Variants in HSPA12A observed in about 807,000 individuals in gnomAD.
The protein encoded by HSPA12A is heat shock protein family A (Hsp70) member 12A.
In HSPA12A, 28 loss-of-function variants were observed where a neutral mutation model predicts 69.2. The ratio of observed to expected loss-of-function variants is 0.40; its 90% CI spans 0.30 to 0.55. The LOEUF (loss-of-function observed/expected upper bound fraction) is 0.55. Among genes scored for constraint, HSPA12A ranks in the 20% least tolerant of loss-of-function variants. The pLI is 0.38. For missense variants in HSPA12A, 686 were observed against 900.7 expected (o/e 0.76, Z 3.05); for synonymous variants, 345 against 370.5 (o/e 0.93, Z 0.79).
chr10:116,750,245 G>A, intron 2 of HSPA12A: 1 of 797,922 alleles, frequency 1.3e-6, no homozygotes. Flanking sequence ...GTCTGGCATG[G>A]GCAAGATCTA....
At chr10:116,684,938 G>C (rs1419858831) in intron 6 of HSPA12A, among the ~76,000 whole-genome samples, 7 of 152,186 alleles carry the variant, frequency 4.6e-5, no homozygotes, top group Non-Finnish European at 8.8e-5. Flanking sequence ...AGCATGGCTG[G>C]GCCTCTAACC....
chr10:116,750,941 C>G (rs74399798), intron 2 of HSPA12A, among the ~76,000 whole-genome samples: 9 of 151,404 alleles, frequency 5.9e-5, no homozygotes, highest in African/African-American at 2.2e-4. Context: ...CCACTGCACT[C>G]CAACTTGAGT....
In HSPA12A at chr10:116,805,591, G is replaced by A. The variant is rs190422763; in HGVS notation, c.91+29344C>T. ...GTTTCCGTTGATGTTGGGCGGGGGG[G>A]TACTGACTTGTGTTTGTCCTTGAAA... On this transcript the variant is annotated intron_variant, in intron 2 of 12. Coordinates refer to the HSPA12A transcript ENST00000635765. 5.9e-5 allele frequency among the ~76,000 whole-genome samples: 9 copies of A among 152,110 alleles called. No individual in the cohort carries two copies. The East Asian group carries it at 1.7e-3, about 29-fold the overall frequency.
At chr10:116,683,442 G>A (rs1171804340) in intron 7 of HSPA12A, 1 of 175,166 alleles carries the variant, frequency 5.7e-6, no homozygotes, top group African/African-American at 2.4e-5. Context: ...TTAATAACAG[G>A]CAATGGAATT....
intron 1 of HSPA12A, among the ~76,000 whole-genome samples, chr10:116,732,933 T>G (rs1274623965): frequency 6.6e-6 from 1 of 152,112 alleles, no homozygotes; most frequent in Non-Finnish European, 1.5e-5. Flanking sequence ...TCTCTTCCCC[T>G]CCCTGACTTC....
At chr10:116,688,083 G>A (rs567021913) in intron 6 of HSPA12A, among the ~76,000 whole-genome samples, 8 of 152,080 alleles carry the variant, frequency 5.3e-5, no homozygotes, top group Non-Finnish European at 1.0e-4. Flanking sequence ...TGTGGCCCAC[G>A]GAAGCCAAAA....
In HSPA12A at chr10:116,710,721, C is replaced by T. The variant is rs1009997582; in HGVS notation, c.41-3436G>A. Among the ~76,000 whole-genome samples, 10 of 152,198 alleles carry T rather than the reference C, an allele frequency of 6.6e-5. No homozygotes were observed. The highest frequency in any genetic ancestry group is 2.2e-4 in the African/African-American group (9 of 41,462). On this transcript the variant is annotated intron_variant, in intron 1 of 11. Coordinates refer to ENST00000369209, the MANE Select transcript of HSPA12A (RefSeq NM_025015.3). The surrounding 1 kb of genome is among the most constrained non-coding windows in gnomAD (Gnocchi z 4.1). The stretch of plus-strand genomic sequence containing the variant: ...AGAAGGTATGGAGGGGTAACATTTT[C>T]AGAGATACCTGCACATGGTGCACAC...
intron 2 of HSPA12A, among the ~76,000 whole-genome samples, chr10:116,705,553 G>A (rs990256045): frequency 1.3e-5 from 2 of 152,224 alleles, no homozygotes; most frequent in Admixed American, 6.5e-5. Context: ...GACCGTGCCC[G>A]CACACGGCTA....
chr10:116,789,048 T>A (rs1330447895), intron 2 of HSPA12A, among the ~76,000 whole-genome samples: 1 of 151,992 alleles, frequency 6.6e-6, no homozygotes, highest in East Asian at 1.9e-4. Context: ...GTATTTTTAG[T>A]GGAGACAAGG....
chr10:116,789,523 T>A (rs1169818325), intron 2 of HSPA12A, among the ~76,000 whole-genome samples: 5 of 152,162 alleles, frequency 3.3e-5, no homozygotes, highest in African/African-American at 2.4e-5. Context: ...ATCCTGAATG[T>A]GCTATGACTT....
intron 1 of HSPA12A, among the ~76,000 whole-genome samples, chr10:116,708,840 T>C (rs566021838): frequency 6.6e-6 from 1 of 152,352 alleles, no homozygotes; most frequent in East Asian, 1.9e-4. Context: ...ACCAGTGAGA[T>C]ATGGCTTCAC....
At chr10:116,787,797 C>T (rs1015784647) in intron 2 of HSPA12A, among the ~76,000 whole-genome samples, 27 of 152,094 alleles carry the variant, frequency 1.8e-4, no homozygotes, top group African/African-American at 6.3e-4. Flanking sequence ...GCCTGGCAGC[C>T]GCTTGGCACA....
chr10:116,723,220 T>G lies in HSPA12A; in HGVS notation c.41-15935A>C. On this transcript the variant is annotated intron_variant, in intron 1 of 11. Coordinates refer to ENST00000369209, the MANE Select transcript of HSPA12A (RefSeq NM_025015.3). The surrounding 1 kb of genome is among the most constrained non-coding windows in gnomAD (Gnocchi z 4.1). ...CCCCCTAACCATTGCCCCCCCATCA[T>G]TCCTGTCCTCATACAACCCCCTGCA... is the stretch of plus-strand genomic sequence containing the variant. Among the ~76,000 whole-genome samples, 1 of 148,770 alleles carries G rather than the reference T, an allele frequency of 6.7e-6. No individual in the cohort carries two copies.
At chr10:116,790,839 C>T (rs1054944248) in intron 2 of HSPA12A, among the ~76,000 whole-genome samples, 2 of 152,048 alleles carry the variant, frequency 1.3e-5, no homozygotes, top group Non-Finnish European at 2.9e-5. Context: ...TACAGGAGCG[C>T]ACCACCACAC....
At position 116,726,056 on chromosome 10, in the gene HSPA12A, A is replaced by C. The variant is rs1589663974; in HGVS notation, c.40+16374T>G. Among the ~76,000 whole-genome samples, 8 of 73,438 alleles carry C rather than the reference A, an allele frequency of 1.1e-4. No homozygotes were observed. In the South Asian group the frequency reaches 2.7e-3, roughly 25 times the overall value. 48.2% of individuals were successfully genotyped at this position (73,438 alleles called of 152,430 possible). A position where few individuals can be genotyped will look rare whatever the true frequency, so the allele number is the denominator to read the frequency against. On this transcript the variant is annotated intron_variant, in intron 1 of 11. Coordinates refer to ENST00000369209, the MANE Select transcript of HSPA12A (RefSeq NM_025015.3). ...ACACACACACACACACACACACACA[A>C]CAGGCCAAGCAGGACAAGGTGAATT...
intron 1 of HSPA12A, among the ~76,000 whole-genome samples, chr10:116,717,927 C>G (rs991286396): frequency 2.0e-5 from 3 of 152,038 alleles, no homozygotes; most frequent in Non-Finnish European, 2.9e-5. Flanking sequence ...ACCCTCTGGC[C>G]CCAGTTTGCC....
At chr10:116,776,253 C>A (rs1844335349) in intron 2 of HSPA12A, among the ~76,000 whole-genome samples, 1 of 152,224 alleles carries the variant, frequency 6.6e-6, no homozygotes. Context: ...GGTCCGTCCG[C>A]CTGGACGCCC....
At position 116,707,280 on chromosome 10, in the gene HSPA12A, C is replaced by T; in HGVS notation, c.46G>A (p.Ala16Thr). 1 of 1,611,316 alleles carries T rather than the reference C, an allele frequency of 6.2e-7. No individual in the cohort carries two copies. The highest frequency in any genetic ancestry group is 8.5e-7 in the Non-Finnish European group (1 of 1,179,018). Reference protein sequence around the residue: ...AGGSDGPRETAPTSAYSSPAR... With the variant: ...AGGSDGPRETTPTSAYSSPAR... Reference sequence around the variant, plus strand: ...GGAGATGAATATGCAGATGTGGGAGCCGTTTCTGAAAGGAAAAACAAAGCC... The same window carrying T: ...GGAGATGAATATGCAGATGTGGGAGTCGTTTCTGAAAGGAAAAACAAAGCC... The change falls in exon 2 of 12, where the codon GCT becomes ACT. Residue 16 changes from alanine to threonine, a missense_variant. Transcript: ENST00000369209.
chr10:116,805,443 G>A (rs1372178046), intron 2 of HSPA12A, among the ~76,000 whole-genome samples: 1 of 152,048 alleles, frequency 6.6e-6, no homozygotes, highest in African/African-American at 2.4e-5. Flanking sequence ...TAGCCATGTG[G>A]CACATTTTAT....
Sources: gnomAD v4.1 joint callset for allele counts (sites outside exome capture counted in the v4.1 genomes callset) on GRCh38, gnomAD v4.1.1 for gene constraint, Gnocchi (gnomAD v3.1) non-coding constraint, MANE v1.5 for transcripts, NCBI Gene and HGNC (gene_info 2026-07-23, HGNC 2026-07-21) for gene names.